Variants in TTF1 observed in about 807,000 individuals in gnomAD.
TTF1 encodes the protein transcription termination factor 1.
A neutral mutation model predicts 80.2 loss-of-function variants in TTF1; 64 were observed. The observed-to-expected ratio is 0.80, with a 90% CI of 0.65 to 0.98. TTF1 has a LOEUF of 0.98. TTF1 is among the 50% of genes least tolerant of loss of function. The pLI, the probability that TTF1 is intolerant of heterozygous loss-of-function variation, is 0.00. For synonymous variants in TTF1, 372 were observed against 382.7 expected (o/e 0.97, Z 0.33); for missense variants, 1,023 against 1,086.2 (o/e 0.94, Z 0.82).
chr9:132,404,528 C>G (rs1053160867), intron 1 of TTF1, among the ~76,000 whole-genome samples: 2 of 151,504 alleles, frequency 1.3e-5, no homozygotes, highest in Non-Finnish European at 2.9e-5. Context: ...CGTATCTTCT[C>G]TCTCATCTCT....
At chr9:132,378,987 A>C (rs1284322265) in intron 10 of TTF1, 72 bp downstream of exon 10, 4 of 1,174,742 alleles carry the variant, frequency 3.4e-6, no homozygotes, top group Non-Finnish European at 3.6e-6. Flanking sequence ...TCACCTGCCT[A>C]GGTGACTTTC....
chr9:132,378,330 G>A lies in TTF1; in HGVS notation c.2464+729C>T, dbSNP rs1357206176. Among the ~76,000 whole-genome samples, 6 of 143,436 alleles carry A rather than the reference G, an allele frequency of 4.2e-5. 1 individual carries two copies. The Admixed American group carries it at 4.2e-4, about 10-fold the overall frequency. 94.1% of individuals were successfully genotyped at this position (143,436 alleles called of 152,430 possible). A position where few individuals can be genotyped will look rare whatever the true frequency, so the allele number is the denominator to read the frequency against. ...GTGTGTGAGTGCATGTGGTGTGTGT[G>A]TGAATTCATGTGGTGTGAGTGCATG... On this transcript the variant is annotated intron_variant, in intron 10 of 10. Transcript: ENST00000334270.
chr9:132,402,980 C>G (rs529049514), intron 1 of TTF1, among the ~76,000 whole-genome samples, 152 bp from the exon 2 acceptor site: 1 of 152,182 alleles, frequency 6.6e-6, no homozygotes, highest in East Asian at 1.9e-4. Flanking sequence ...CTCAGCCTCC[C>G]GAATAGCTGG....
chr9:132,405,455 G>C (rs1849849583), intron 1 of TTF1, among the ~76,000 whole-genome samples: 1 of 152,174 alleles, frequency 6.6e-6, no homozygotes. Flanking sequence ...TGACCCACCT[G>C]CCTCGGCCTC....
In TTF1 at chr9:132,402,054, A is replaced by G. The variant is rs760244281; in HGVS notation, c.768T>C (p.Thr256=). ...AGTDMQESQP[T]VGLDDETPQL... is the part of the protein sequence containing the mutation. Reference sequence around the variant, plus strand: ...GTGGAGTTTCATCATCCAAGCCCACAGTAGGCTGGGATTCCTGCATATCAG... The same window carrying G: ...GTGGAGTTTCATCATCCAAGCCCACGGTAGGCTGGGATTCCTGCATATCAG... Residue 256 remains threonine (T), a synonymous_variant, in exon 2 of 11, where the codon ACT becomes ACC. Coordinates refer to ENST00000334270, the MANE Select transcript of TTF1 (RefSeq NM_007344.4). 2 of 1,614,080 alleles carry G rather than the reference A, an allele frequency of 1.2e-6. No homozygotes were observed. The highest frequency in any genetic ancestry group is 2.2e-5 in the South Asian group (2 of 91,068).
chr9:132,378,177 AATG>A (rs1849274105), intron 10 of TTF1, among the ~76,000 whole-genome samples: 2 of 95,884 alleles, frequency 2.1e-5, no homozygotes, highest in African/African-American at 8.4e-5. Flanking sequence ...GGTGTGTGTG[AATG>A]CATGTGGTGT....
chr9:132,398,159 A>T lies in TTF1; in HGVS notation c.1759T>A (p.Ser587Thr). 6.3e-7 allele frequency: 1 copy of T among 1,589,118 alleles called. No individual in the cohort carries two copies. The highest frequency in any genetic ancestry group is 2.3e-5 in the East Asian group (1 of 44,386). Residue 587 changes from serine to threonine, a missense_variant, in exon 4 of 11, where the codon TCG becomes ACG. By Grantham distance (58) the Ser-to-Thr change is moderately conservative (BLOSUM62 1). Transcript: ENST00000334270. ...SVITNLKRRY[S>T]FRLHIGRNIA... is the part of the protein sequence containing the mutation. ...AACTTACCAATGTGTAATCTAAACG[A>T]GTATCTCCTTTTTAAGTTGGTGATC...
At chr9:132,378,452 AGTGCATGTGGTGTGT>A (rs1849292847) in intron 10 of TTF1, among the ~76,000 whole-genome samples, 1 of 84,272 alleles carries the variant, frequency 1.2e-5, no homozygotes, top group East Asian at 4.1e-4. Context: ...ATGTGGTGTG[AGTGCATGTGGTGTGT>A]GTGAGTGCAT....
At position 132,390,599 on chromosome 9, in the gene TTF1, C is replaced by T; in HGVS notation, c.2220G>A (p.Lys740=). Reference sequence around the variant, plus strand: ...GAAAGAGAGAGGGAAGAACTTACCACTTACTTTTACACTGCATCCAATTTC... The same window carrying T: ...GAAAGAGAGAGGGAAGAACTTACCATTTACTTTTACACTGCATCCAATTTC... ...QTRNWMQCKS[K]WTEILTKRMT... Residue 740 remains lysine, a splice_region_variant and synonymous_variant, in exon 7 of 11, where the codon AAG becomes AAA. Coordinates refer to ENST00000334270, the MANE Select transcript of TTF1 (RefSeq NM_007344.4). 6.2e-7 allele frequency: 1 copy of T among 1,613,642 alleles called. No individual in the cohort carries two copies. The highest frequency in any genetic ancestry group is 8.5e-7 in the Non-Finnish European group (1 of 1,179,566).
chr9:132,383,090 A>T (rs1002170704), intron 9 of TTF1, among the ~76,000 whole-genome samples: 15 of 151,596 alleles, frequency 9.9e-5, no homozygotes, highest in East Asian at 3.9e-4. Context: ...TAACTAATTA[A>T]AAAAAAAACT....
chr9:132,406,303 C>T (rs1467194663), intron 1 of TTF1, among the ~76,000 whole-genome samples: 5 of 151,992 alleles, frequency 3.3e-5, no homozygotes, highest in African/African-American at 1.2e-4. Context: ...CTTCTCACTC[C>T]CAAAGACCCA....
chr9:132,397,800 C>T (rs949330919), intron 4 of TTF1, among the ~76,000 whole-genome samples: 2 of 151,994 alleles, frequency 1.3e-5, no homozygotes, highest in Non-Finnish European at 2.9e-5. Context: ...TCCTGGCTAA[C>T]AAGGTGAAAC....
rs376708794 is a variant in TTF1, at chr9:132,376,144, G to A, written c.2489C>T (p.Thr830Met). 1.3e-5 allele frequency: 21 copies of A among 1,613,506 alleles called. No individual in the cohort carries two copies. The highest frequency in any genetic ancestry group is 7.7e-5 in the South Asian group (7 of 91,068). Residue 830 changes from threonine to methionine, a missense_variant, in exon 11 of 11, where the codon ACG (threonine) becomes ATG (methionine). Physicochemically the swap from Thr to Met is moderately conservative, Grantham distance 81. Transcript: ENST00000334270. ...CTTTTCCTTCAGCAAAGGTAGAGTCGTCTCATAAAGGTAGTCGATGATCTC... is the reference window on the plus strand; with the variant it reads ...CTTTTCCTTCAGCAAAGGTAGAGTCATCTCATAAAGGTAGTCGATGATCTC... The part of the protein sequence containing the change: ...FPEIIDYLYE[T>M]TLPLLKEKLE...
intron 6 of TTF1, among the ~76,000 whole-genome samples, chr9:132,391,786 G>T (rs1182918134): frequency 3.3e-5 from 5 of 152,136 alleles, no homozygotes; most frequent in African/African-American, 1.2e-4. Flanking sequence ...GTGACCCTCC[G>T]CCCAGGCTCT....
At chr9:132,380,368 T>C (rs1849348422) in intron 9 of TTF1, among the ~76,000 whole-genome samples, 1 of 152,160 alleles carries the variant, frequency 6.6e-6, no homozygotes, top group African/African-American at 2.4e-5. Flanking sequence ...CATGAGCCAC[T>C]GCACCTGGCC....
intron 1 of TTF1, 79 bp from the exon 2 acceptor site, chr9:132,402,907 G>A (rs1849795532): frequency 1.0e-5 from 14 of 1,383,056 alleles, no homozygotes; most frequent in Middle Eastern, 2.6e-4. Context: ...CCAGGCTGGA[G>A]TGCAGTGGCG....
Position 132,401,519 on chromosome 9 carries a change from A to C in TTF1, c.1303T>G (p.Ser435Ala). The C allele has an allele frequency of 6.2e-7, 1 of 1,614,006 alleles. No homozygotes were observed. The highest frequency in any genetic ancestry group is 8.5e-7 in the Non-Finnish European group (1 of 1,179,994). ...TGGGTTTTCTTTTGTCGGGGCCTAGATTTCACACCTTCTTCCATCATGGCG... is the reference window on the plus strand; with the variant it reads ...TGGGTTTTCTTTTGTCGGGGCCTAGCTTTCACACCTTCTTCCATCATGGCG... ...DGAMMEEGVK[S>A]RPRQKKTQAC... is the part of the protein sequence containing the mutation. The change falls in exon 2 of 11, where the codon TCT (serine) becomes GCT (alanine). Residue 435 changes from serine (S) to alanine (A), a missense_variant. Physicochemically the swap from Ser to Ala is moderately conservative, Grantham distance 99. Coordinates refer to ENST00000334270, the MANE Select transcript of TTF1 (RefSeq NM_007344.4).
Position 132,391,119 on chromosome 9 carries a change from G to A in TTF1, c.1988-288C>T, listed in dbSNP as rs144630876. Among the ~76,000 whole-genome samples, 344 of 152,252 alleles carry A rather than the reference G, an allele frequency of 2.3e-3. 4 individuals are homozygous for A. Among genetic ancestry groups the A allele is most frequent in the African/African-American group, 7.9e-3 (329 of 41,544 alleles). Reference sequence around the variant, plus strand: ...CATCCTGTTTCTGAGAACGTCTCCCGCATCAAACTGTGAGGTTCCCAAACA... The same window carrying A: ...CATCCTGTTTCTGAGAACGTCTCCCACATCAAACTGTGAGGTTCCCAAACA... On this transcript the variant is annotated intron_variant, in intron 6 of 10. Transcript: ENST00000334270.
intron 9 of TTF1, among the ~76,000 whole-genome samples, chr9:132,385,753 C>T (rs113803276): frequency 6.6e-5 from 10 of 150,962 alleles, no homozygotes; most frequent in African/African-American, 2.4e-4. Flanking sequence ...ACAGTCTCTT[C>T]CCAGAACTAA....
Sources: gnomAD v4.1 joint callset for allele counts (sites outside exome capture counted in the v4.1 genomes callset) on GRCh38, gnomAD v4.1.1 for gene constraint, MANE v1.5 for transcripts, NCBI Gene and HGNC (gene_info 2026-07-23, HGNC 2026-07-21) for gene names.